IL18: variants seen among roughly 807,000 people sequenced by gnomAD.
IL18 encodes interleukin 18.
Under a neutral mutation model 14.2 loss-of-function variants are expected in IL18, and 8 were observed. That is an observed-to-expected ratio of 0.56 (90% CI 0.33 to 1.01). The LOEUF (loss-of-function observed/expected upper bound fraction) is 1.01, where lower values mean the gene tolerates loss of function less well. Among genes scored for constraint, IL18 ranks in the 50% least tolerant of loss-of-function variants. The pLI is 0.03. For synonymous variants in IL18, 67 were observed against 71.0 expected, an observed-to-expected ratio of 0.94 and a Z score of 0.28; for missense variants, 166 against 231.1, an observed-to-expected ratio of 0.72 and a Z score of 1.83.
intron 1 of IL18, among the ~76,000 whole-genome samples, chr11:112,159,075 G>A (rs931657734): frequency 2.6e-5 from 4 of 152,072 alleles, no homozygotes; most frequent in African/African-American, 9.7e-5. Flanking sequence ...GATCTGGTCC[G>A]TGTGCAGTGG....
At chr11:112,157,709 A>G (rs1866557511) in intron 1 of IL18, among the ~76,000 whole-genome samples, 1 of 152,170 alleles carries the variant, frequency 6.6e-6, no homozygotes, top group Non-Finnish European at 1.5e-5. Flanking sequence ...AGAAGAAGCA[A>G]TGTGAACAAA....
At position 112,150,207 on chromosome 11, in the gene IL18, C is replaced by CT; in HGVS notation, c.92-2dup. ...CCAAAGTAATCTGATTCCAGGTTTT[C>CT]TACAATAAACATTAAATCTCATTTA... is the stretch of plus-strand genomic sequence containing the variant. On this transcript the variant is annotated splice_acceptor_variant, in intron 3 of 5. Coordinates refer to ENST00000280357, the MANE Select transcript of IL18 (RefSeq NM_001562.4). LOFTEE classifies it high-confidence loss of function. The CT allele has an allele frequency of 6.6e-7, 1 of 1,519,128 alleles. No homozygotes were observed. Among genetic ancestry groups the CT allele is most frequent in the Non-Finnish European group, 9.1e-7 (1 of 1,099,714 alleles). 94.1% of individuals were successfully genotyped at this position (1,519,128 alleles called of 1,614,324 possible). A position where few individuals can be genotyped will look rare whatever the true frequency, so the allele number is the denominator to read the frequency against.
At chr11:112,162,481 C>T (rs1866649193) in intron 1 of IL18, among the ~76,000 whole-genome samples, 1 of 151,818 alleles carries the variant, frequency 6.6e-6, no homozygotes, top group South Asian at 2.1e-4. Context: ...GTAGTTGGGA[C>T]TACAGGCACA....
rs185930014 is a variant in IL18 at position 112,153,280 on chromosome 11, G to A, written c.91+312C>T. ...CTTCAATCCCTTTTTCCTATGCAAC[G>A]CTCCCCCTACAACAGAATCCATGAC... is the stretch of plus-strand genomic sequence containing the variant. On this transcript the variant is annotated intron_variant, in intron 3 of 5. Coordinates refer to ENST00000280357, the MANE Select transcript of IL18 (RefSeq NM_001562.4). The A allele has an allele frequency of 4.7e-4, 122 of 257,160 alleles. 1 individual carries two copies. Among genetic ancestry groups the A allele is most frequent in the African/African-American group, 2.2e-3 (101 of 45,386 alleles). The allele number at this position is 257,160 out of a possible 1,614,324, so 15.9% of individuals were successfully genotyped here. A position where few individuals can be genotyped will look rare whatever the true frequency, so the allele number is the denominator to read the frequency against.
chr11:112,143,904 G>C, intron 5 of IL18, 87 bp from the exon 6 acceptor site: 1 of 847,408 alleles, frequency 1.2e-6, no homozygotes. Flanking sequence ...TTACCAAACA[G>C]AACAAAAGTA....
chr11:112,151,002 A>G (rs1222406752), intron 3 of IL18: 1 of 152,130 alleles, frequency 6.6e-6, no homozygotes, highest in African/African-American at 2.4e-5. Flanking sequence ...TGTACCCTCT[A>G]CTGAAGCTTT....
intron 1 of IL18, among the ~76,000 whole-genome samples, chr11:112,160,737 GAGA>G (rs1479642995): frequency 6.6e-6 from 1 of 152,204 alleles, no homozygotes; most frequent in Non-Finnish European, 1.5e-5. Flanking sequence ...GAAAGCCAAT[GAGA>G]AGGAGGAAGA....
At chr11:112,158,098 C>T (rs772654340) in intron 1 of IL18, among the ~76,000 whole-genome samples, 44 of 152,078 alleles carry the variant, frequency 2.9e-4, no homozygotes, top group Non-Finnish European at 4.9e-4. Context: ...CTTCCTGCTT[C>T]GGCCTCCCAA....
chr11:112,147,199 G>T (rs1381934417), intron 5 of IL18, among the ~76,000 whole-genome samples: 1 of 152,044 alleles, frequency 6.6e-6, no homozygotes, highest in Non-Finnish European at 1.5e-5. Flanking sequence ...CAAAGTGCTG[G>T]GATTACAGGT....
chr11:112,143,709 C>T lies in IL18; in HGVS notation c.469G>A (p.Glu157Lys), dbSNP rs201855432. The change falls in exon 6 of 6, where the codon GAA (glutamate) becomes AAA (lysine). Residue 157 changes from glutamate to lysine, a missense_variant. Coordinates refer to ENST00000280357, the MANE Select transcript of IL18 (RefSeq NM_001562.4). ...NKMQFESSSY[E>K]GYFLACEKER... ...TTTTCACAAGCTAGAAAGTATCCTT[C>T]GTATGATGAAGATTCAAATTGCATC... 7 of 1,611,920 alleles carry T rather than the reference C, an allele frequency of 4.3e-6. No individual in the cohort carries two copies. Among genetic ancestry groups the T allele is most frequent in the African/African-American group, 2.7e-5 (2 of 74,880 alleles).
At chr11:112,162,341 CTTT>C (rs140882241) in intron 1 of IL18, among the ~76,000 whole-genome samples, 13 of 131,144 alleles carry the variant, frequency 9.9e-5, no homozygotes, top group East Asian at 2.2e-4. Flanking sequence ...CTTTTCTTTT[CTTT>C]TTTTTTTTTT....
intron 3 of IL18, chr11:112,150,426 A>G (rs543487239): frequency 5.4e-5 from 23 of 426,622 alleles, no homozygotes; most frequent in African/African-American, 3.0e-4. Context: ...TGTTAACTTC[A>G]AATAGCCTAC....
At chr11:112,161,644 C>A (rs1013266111) in intron 1 of IL18, among the ~76,000 whole-genome samples, 1 of 152,026 alleles carries the variant, frequency 6.6e-6, no homozygotes, top group Non-Finnish European at 1.5e-5. Context: ...ACTAAAAATA[C>A]AAAAATTAGC....
intron 1 of IL18, among the ~76,000 whole-genome samples, chr11:112,160,904 C>T (rs1866620098): frequency 6.6e-6 from 1 of 152,068 alleles, no homozygotes; most frequent in Non-Finnish European, 1.5e-5. Flanking sequence ...GTTCTCAATA[C>T]ATCTATGACT....
chr11:112,144,736 C>T (rs903613390), intron 5 of IL18, among the ~76,000 whole-genome samples: 1 of 152,240 alleles, frequency 6.6e-6, no homozygotes, highest in Non-Finnish European at 1.5e-5. Context: ...ACTCTGTCTT[C>T]CTGCCAAGCA....
chr11:112,156,507 T>C (rs1866534279), intron 1 of IL18, among the ~76,000 whole-genome samples: 1 of 152,122 alleles, frequency 6.6e-6, no homozygotes, highest in African/African-American at 2.4e-5. Flanking sequence ...CTCAGCTCAC[T>C]GCAACATCCA....
At chr11:112,146,751 C>A (rs5744271) in intron 5 of IL18, among the ~76,000 whole-genome samples, 29 of 151,702 alleles carry the variant, frequency 1.9e-4, no homozygotes, top group South Asian at 1.9e-3. Context: ...CTCTCTCCCC[C>A]CCTCCAACTA....
chr11:112,152,666 G>A (rs1050808071), intron 3 of IL18, among the ~76,000 whole-genome samples: 11 of 152,112 alleles, frequency 7.2e-5, no homozygotes, highest in African/African-American at 2.7e-4. Flanking sequence ...ACCCTTTCTT[G>A]ATAACTGGGA....
chr11:112,145,420 T>G (rs1202160554), intron 5 of IL18, among the ~76,000 whole-genome samples: 1 of 152,142 alleles, frequency 6.6e-6, no homozygotes, highest in Non-Finnish European at 1.5e-5. Context: ...CTAGTAACAT[T>G]ACAGGGGAAG....
Sources: gnomAD v4.1 joint callset for allele counts (sites outside exome capture counted in the v4.1 genomes callset) on GRCh38, gnomAD v4.1.1 for gene constraint, MANE v1.5 for transcripts, NCBI Gene and HGNC (gene_info 2026-07-23, HGNC 2026-07-21) for gene names.